PCDH15: variants seen among roughly 807,000 people sequenced by gnomAD.
PCDH15 encodes protocadherin-15.
A neutral mutation model predicts 178.5 loss-of-function variants in PCDH15; 129 were observed. That is an observed-to-expected ratio of 0.72 (90% CI 0.63 to 0.84). The LOEUF (loss-of-function observed/expected upper bound fraction) is 0.84. Among genes scored for constraint, PCDH15 ranks in the 40% least tolerant of loss-of-function variants. PCDH15 has a pLI of 0.00. For missense variants in PCDH15, 2,230 were observed against 2,099.9 expected, an observed-to-expected ratio of 1.06 and a Z score of -1.21; for synonymous variants, 800 against 732.0, an observed-to-expected ratio of 1.09 and a Z score of -1.50.
At chr10:55,475,049 T>C (rs1312081654) in intron 2 of PCDH15, among the ~76,000 whole-genome samples, 1 of 152,084 alleles carries the variant, frequency 6.6e-6, no homozygotes, top group African/African-American at 2.4e-5. Context: ...CCATTTTGTG[T>C]TGCTATAAAG....
Position 53,917,778 on chromosome 10 carries a change from G to A in PCDH15, c.3374-14408C>T, listed in dbSNP as rs139987301. Reference sequence around the variant, plus strand: ...AATGTAATCCCTAGTATTGGAGGTGGGGCCTGGTGGGAGGTGCTTGGATCA... The same window carrying A: ...AATGTAATCCCTAGTATTGGAGGTGAGGCCTGGTGGGAGGTGCTTGGATCA... On this transcript the variant is annotated intron_variant, in intron 25 of 37. Coordinates refer to ENST00000644397, the MANE Select transcript of PCDH15 (RefSeq NM_001384140.1). Among the ~76,000 whole-genome samples the A allele has an allele frequency of 3.7e-3, 566 of 152,262 alleles. 1 individual carries two copies. Among genetic ancestry groups the A allele is most frequent in the African/African-American group, 0.013 (552 of 41,540 alleles).
chr10:55,282,156 T>C (rs1842750856), intron 1 of PCDH15, among the ~76,000 whole-genome samples: 1 of 152,200 alleles, frequency 6.6e-6, no homozygotes, highest in African/African-American at 2.4e-5. Context: ...AGATCCTTAA[T>C]AATAATACTG....
At chr10:54,659,707 T>G (rs1425994311) in intron 2 of PCDH15, among the ~76,000 whole-genome samples, 1 of 149,256 alleles carries the variant, frequency 6.7e-6, no homozygotes, top group East Asian at 2.0e-4. Flanking sequence ...TGAGCTGAGA[T>G]AGCACCACTA....
At chr10:54,966,770 A>C (rs1219509005) in intron 2 of PCDH15, among the ~76,000 whole-genome samples, 2 of 152,072 alleles carry the variant, frequency 1.3e-5, no homozygotes, top group African/African-American at 4.8e-5. Flanking sequence ...CTGCCATGAA[A>C]GACATGCCTT....
chr10:53,957,644 A>G (rs958206614), intron 23 of PCDH15, among the ~76,000 whole-genome samples: 8 of 152,090 alleles, frequency 5.3e-5, no homozygotes, highest in Admixed American at 3.9e-4. Flanking sequence ...TCAGAATGCC[A>G]TACAATTTAA....
At chr10:55,239,309 T>C (rs1372053013) in intron 1 of PCDH15, among the ~76,000 whole-genome samples, 1 of 152,086 alleles carries the variant, frequency 6.6e-6, no homozygotes, top group African/African-American at 2.4e-5. Context: ...TTATTGTAAA[T>C]AATGCTGCAA....
intron 2 of PCDH15, among the ~76,000 whole-genome samples, chr10:55,426,463 C>A (rs1838758879): frequency 6.6e-6 from 1 of 152,116 alleles, no homozygotes; most frequent in Admixed American, 6.5e-5. Flanking sequence ...TGGGTGCTGG[C>A]AGGAGTTAAC....
chr10:54,397,813 T>C (rs1316822654), intron 3 of PCDH15, among the ~76,000 whole-genome samples: 1 of 151,916 alleles, frequency 6.6e-6, no homozygotes, highest in African/African-American at 2.4e-5. Flanking sequence ...GCCAGACAAA[T>C]GTTTTATTCA....
chr10:53,806,463 GT>G lies in PCDH15; in HGVS notation c.*115del. 2 of 893,422 alleles carry G rather than the reference GT, an allele frequency of 2.2e-6. No homozygotes were observed. 55.3% of individuals were successfully genotyped at this position (893,422 alleles called of 1,614,324 possible). On this transcript the variant is annotated 3_prime_UTR_variant, in exon 38 of 38. Transcript: ENST00000644397. The stretch of plus-strand genomic sequence containing the variant: ...AAAATTTTAAAGCATATTGTTCAAA[GT>G]TTTAGCTTGTGTGCATGATATAAAT...
chr10:53,913,578 CA>C (rs55917688), intron 25 of PCDH15, among the ~76,000 whole-genome samples: 1,701 of 142,578 alleles, frequency 0.012, 29 homozygotes, highest in African/African-American at 0.037. Flanking sequence ...CTAAAAGATA[CA>C]AAAAAAAAAA....
At chr10:54,446,479 GTATT>G (rs1411885210) in intron 3 of PCDH15, among the ~76,000 whole-genome samples, 2 of 151,496 alleles carry the variant, frequency 1.3e-5, no homozygotes, top group Non-Finnish European at 3.0e-5. Flanking sequence ...ATTTGAAACT[GTATT>G]GACCTTTTTC....
At chr10:55,512,607 C>A (rs543750093) in intron 2 of PCDH15, among the ~76,000 whole-genome samples, 15 of 152,064 alleles carry the variant, frequency 9.9e-5, no homozygotes, top group African/African-American at 3.4e-4. Context: ...CCACAGAGAG[C>A]CTTTTATTTT....
chr10:54,218,515 T>C (rs973779547), intron 9 of PCDH15, among the ~76,000 whole-genome samples: 2 of 151,246 alleles, frequency 1.3e-5, no homozygotes, highest in Non-Finnish European at 2.9e-5. Flanking sequence ...TTTGTCTCTC[T>C]TTCTTTCTAT....
intron 1 of PCDH15, among the ~76,000 whole-genome samples, chr10:54,708,193 G>A (rs1198116469): frequency 1.3e-5 from 2 of 152,134 alleles, no homozygotes; most frequent in African/African-American, 4.8e-5. Context: ...TATGCCATAT[G>A]GATAATCACA....
intron 2 of PCDH15, among the ~76,000 whole-genome samples, chr10:55,438,961 C>T (rs1293014294): frequency 6.6e-6 from 1 of 151,698 alleles, no homozygotes; most frequent in East Asian, 1.9e-4. Context: ...TGCAGTGGCA[C>T]GATCTCGGCT....
chr10:55,176,879 C>A (rs1053119554), intron 1 of PCDH15, among the ~76,000 whole-genome samples: 1 of 152,124 alleles, frequency 6.6e-6, no homozygotes, highest in Admixed American at 6.5e-5. Context: ...GGTATTACCA[C>A]AGAGATTCTG....
chr10:54,949,805 C>T (rs1172088742), intron 2 of PCDH15, among the ~76,000 whole-genome samples: 2 of 151,968 alleles, frequency 1.3e-5, no homozygotes, highest in Admixed American at 6.6e-5. Context: ...GGGCCAAATG[C>T]TGCCAGTCTC....
intron 26 of PCDH15, among the ~76,000 whole-genome samples, chr10:53,890,254 C>G (rs972999698): frequency 6.6e-6 from 1 of 152,086 alleles, no homozygotes; most frequent in Non-Finnish European, 1.5e-5. Context: ...GGTGAAACAC[C>G]ATCTCTACTA....
intron 29 of PCDH15, among the ~76,000 whole-genome samples, chr10:53,835,706 C>G (rs1360485358): frequency 6.6e-6 from 1 of 152,068 alleles, no homozygotes; most frequent in African/African-American, 2.4e-5. Context: ...TACTTGAGCT[C>G]AGGAGTTTGA....
Sources: allele counts gnomAD v4.1 joint callset (sites outside exome capture counted in the v4.1 genomes callset), GRCh38; gene constraint gnomAD v4.1.1; transcripts MANE v1.5; gene names NCBI Gene and HGNC (gene_info 2026-07-23, HGNC 2026-07-21).